The following KCNK10 variants were observed in gnomAD, a reference collection of about 807,000 sequenced individuals.
KCNK10 encodes potassium channel subfamily K member 10.
KCNK10 carries 25 observed loss-of-function variants against 47.7 expected under a neutral mutation model. The observed-to-expected ratio is 0.52, with a 90% CI of 0.38 to 0.73. KCNK10 has a LOEUF of 0.73. Among genes scored for constraint, KCNK10 ranks in the 30% least tolerant of loss-of-function variants. The pLI is 0.00. For missense variants in KCNK10, 563 were observed against 714.5 expected (o/e 0.79, Z 2.42); for synonymous variants, 303 against 285.6 (o/e 1.06, Z -0.61).
intron 1 of KCNK10, among the ~76,000 whole-genome samples, chr14:88,297,249 T>C (rs1276547447): frequency 1.3e-5 from 2 of 152,192 alleles, no homozygotes; most frequent in Non-Finnish European, 2.9e-5. Context: ...GGAAAAATCA[T>C]GCAAAAAAAT....
intron 3 of KCNK10, among the ~76,000 whole-genome samples, chr14:88,240,399 T>C (rs931006696): frequency 3.9e-5 from 6 of 152,172 alleles, no homozygotes; most frequent in Admixed American, 3.3e-4. Context: ...TAATAAGAAG[T>C]ACAATTTTTA....
chr14:88,208,570 T>A (rs988455173), intron 4 of KCNK10, among the ~76,000 whole-genome samples: 1 of 152,302 alleles, frequency 6.6e-6, no homozygotes, highest in African/African-American at 2.4e-5. Context: ...ATTGCAAGAA[T>A]ACCATATGGC....
intron 4 of KCNK10, among the ~76,000 whole-genome samples, chr14:88,204,902 A>G (rs1178542066): frequency 6.6e-6 from 1 of 152,186 alleles, no homozygotes; most frequent in African/African-American, 2.4e-5. Context: ...ATCATCCAGA[A>G]TCCATAGTAT....
chr14:88,250,954 G>T (rs994587906), intron 2 of KCNK10, among the ~76,000 whole-genome samples: 1 of 152,168 alleles, frequency 6.6e-6, no homozygotes, highest in Non-Finnish European at 1.5e-5. Context: ...AGATACAAAG[G>T]CTGGGCACAG....
At chr14:88,203,376 C>T (rs565866619) in intron 4 of KCNK10, among the ~76,000 whole-genome samples, 1 of 152,278 alleles carries the variant, frequency 6.6e-6, no homozygotes, top group South Asian at 2.1e-4. Flanking sequence ...CATAGTTTCT[C>T]TCATTTTGAG....
At chr14:88,207,150 C>T (rs1415628982) in intron 4 of KCNK10, among the ~76,000 whole-genome samples, 1 of 148,352 alleles carries the variant, frequency 6.7e-6, no homozygotes, top group African/African-American at 2.5e-5. Flanking sequence ...ATACTAGTTT[C>T]GATTTCAAGG....
intron 4 of KCNK10, among the ~76,000 whole-genome samples, chr14:88,219,878 T>C (rs1286035894): frequency 6.6e-6 from 1 of 152,158 alleles, no homozygotes; most frequent in African/African-American, 2.4e-5. Context: ...TGCCTAAGGT[T>C]GAGGGACCAA....
At chr14:88,253,639 C>T (rs1320472612) in intron 2 of KCNK10, among the ~76,000 whole-genome samples, 1 of 152,158 alleles carries the variant, frequency 6.6e-6, no homozygotes, top group African/African-American at 2.4e-5. Flanking sequence ...GTGGCTCACA[C>T]CTGTAATCCC....
Position 88,188,153 on chromosome 14 carries a change from G to A in KCNK10, c.869-44C>T, listed in dbSNP as rs986129532. ...TACTTTAACCATGATCTAGCATATG[G>A]TCTTTGCAGAGAACACATATTCCAT... On this transcript the variant is annotated intron_variant, in intron 5 of 6. Coordinates refer to ENST00000319231, the MANE Select transcript of KCNK10 (RefSeq NM_138317.3). 1.9e-6 allele frequency: 3 copies of A among 1,602,522 alleles called. No individual in the cohort carries two copies. The African/African-American group carries it at 4.0e-5, about 21-fold the overall frequency.
chr14:88,273,387 T>G (rs2139764927), intron 1 of KCNK10, among the ~76,000 whole-genome samples: 1 of 152,202 alleles, frequency 6.6e-6, no homozygotes, highest in Non-Finnish European at 1.5e-5. Context: ...ATAGCAGCAT[T>G]TTGCTGTTTT....
chr14:88,206,265 G>A (rs1319658250), intron 4 of KCNK10, among the ~76,000 whole-genome samples: 3 of 152,124 alleles, frequency 2.0e-5, no homozygotes, highest in African/African-American at 4.8e-5. Flanking sequence ...GGGTGTTTGC[G>A]GTTGTCACAA....
At chr14:88,306,561 A>G (rs1052336212) in intron 1 of KCNK10, among the ~76,000 whole-genome samples, 3 of 152,096 alleles carry the variant, frequency 2.0e-5, no homozygotes, top group African/African-American at 7.2e-5. Flanking sequence ...ATCCCTGCCC[A>G]AGAGCCTGCT....
chr14:88,241,866 G>A (rs889559342), intron 2 of KCNK10, among the ~76,000 whole-genome samples: 8 of 152,194 alleles, frequency 5.3e-5, no homozygotes, highest in South Asian at 2.1e-4. Flanking sequence ...TCACGAGCAG[G>A]AGAAGGTGAA....
Position 88,270,973 on chromosome 14 carries a change from C to T in KCNK10, c.53-7422G>A, listed in dbSNP as rs75962207. The T allele has an allele frequency of 9.9e-3, 6,298 of 637,630 alleles. 519 individuals carry two copies. The Admixed American group carries it at 0.14, about 14-fold the overall frequency. 39.5% of individuals were successfully genotyped at this position (637,630 alleles called of 1,614,324 possible). ...ATCTCACAGGCCTCACCCACTGCCA[C>T]GCCCCCACAAGCAACCTTTGCCCCA... is the stretch of plus-strand genomic sequence containing the variant. On this transcript the variant is annotated intron_variant, in intron 1 of 6. Coordinates refer to ENST00000319231, the MANE Select transcript of KCNK10 (RefSeq NM_138317.3).
At chr14:88,294,385 T>C (rs963341516) in intron 1 of KCNK10, among the ~76,000 whole-genome samples, 2 of 152,216 alleles carry the variant, frequency 1.3e-5, no homozygotes, top group Admixed American at 1.3e-4. Flanking sequence ...GGAACTTGCC[T>C]AAGAATAGAG....
At chr14:88,218,859 A>G (rs752486180) in intron 4 of KCNK10, among the ~76,000 whole-genome samples, 10 of 152,314 alleles carry the variant, frequency 6.6e-5, no homozygotes, top group Non-Finnish European at 1.2e-4. Context: ...CCAAATAAGC[A>G]GATATTTGGG....
chr14:88,283,596 TA>T (rs1335814761), intron 1 of KCNK10, among the ~76,000 whole-genome samples: 3 of 152,252 alleles, frequency 2.0e-5, no homozygotes, highest in Non-Finnish European at 2.9e-5. Context: ...ATTCAAACTT[TA>T]AGCAGAAAAT....
At chr14:88,234,258 T>C (rs2139881613) in intron 3 of KCNK10, among the ~76,000 whole-genome samples, 1 of 152,356 alleles carries the variant, frequency 6.6e-6, no homozygotes, top group Non-Finnish European at 1.5e-5. Flanking sequence ...CCAGACCCAC[T>C]GGTGTCATGG....
chr14:88,291,728 C>T (rs1453383263), intron 1 of KCNK10, among the ~76,000 whole-genome samples: 3 of 152,276 alleles, frequency 2.0e-5, no homozygotes, highest in East Asian at 1.9e-4. Flanking sequence ...TGCAATGAGA[C>T]GGCCCTGGGA....
Sources: allele counts gnomAD v4.1 joint callset (sites outside exome capture counted in the v4.1 genomes callset), GRCh38; gene constraint gnomAD v4.1.1; transcripts MANE v1.5; gene names NCBI Gene and HGNC (gene_info 2026-07-23, HGNC 2026-07-21).